A2ML1: variants seen among roughly 807,000 people sequenced by gnomAD.
A2ML1 encodes the protein alpha-2-macroglobulin-like protein 1.
A neutral mutation model predicts 181.9 loss-of-function variants in A2ML1; 161 were observed. That is an observed-to-expected ratio of 0.89 (90% CI 0.78 to 1.01). The LOEUF (loss-of-function observed/expected upper bound fraction) is 1.01. Ranked by LOEUF, A2ML1 falls within the 50% of genes least tolerant of loss-of-function variation. The pLI, the probability that A2ML1 is intolerant of heterozygous loss-of-function variation, is 0.00. For synonymous variants in A2ML1, 663 were observed against 666.8 expected, an observed-to-expected ratio of 0.99 and a Z score of 0.09; for missense variants, 1,670 against 1,768.1, an observed-to-expected ratio of 0.94 and a Z score of 1.00.
At chr12:8,861,431 T>A in intron 28 of A2ML1, 134 bp downstream of exon 28, 1 of 1,092,320 alleles carries the variant, frequency 9.2e-7, no homozygotes, top group Non-Finnish European at 1.3e-6. Flanking sequence ...GTCATCAAAT[T>A]ATTGTTGGGA....
intron 4 of A2ML1, among the ~76,000 whole-genome samples, chr12:8,832,793 C>G (rs753524799): frequency 3.3e-5 from 5 of 152,110 alleles, no homozygotes; most frequent in African/African-American, 1.2e-4. Context: ...TTGGTTAGGT[C>G]TGATTTCTTT....
chr12:8,857,402 A>T (rs1256144743), intron 24 of A2ML1, 62 bp downstream of exon 24: 2 of 1,580,442 alleles, frequency 1.3e-6, no homozygotes, highest in Non-Finnish European at 1.7e-6. Flanking sequence ...TGACAGATTG[A>T]TGATACAGGG....
Position 8,847,619 on chromosome 12 carries a change from C to T in A2ML1, c.1754C>T (p.Pro585Leu). 1 of 1,613,714 alleles carries T rather than the reference C, an allele frequency of 6.2e-7. No individual in the cohort carries two copies. The highest frequency in any genetic ancestry group is 8.5e-7 in the Non-Finnish European group (1 of 1,179,832). ...AEVELQLQAAPGSLCALRAVD... is the reference protein window; with the variant it reads ...AEVELQLQAALGSLCALRAVD... ...GTGGAGCTGCAGCTGCAGGCAGCTC[C>T]CGGATCCCTGTGTGCGCTCCGGGCG... Residue 585 changes from proline (P) to leucine (L), a missense_variant, in exon 15 of 36, where the codon CCC becomes CTC. Pro to Leu is a moderately conservative substitution (Grantham distance 98, BLOSUM62 -3). Coordinates refer to ENST00000299698, the MANE Select transcript of A2ML1 (RefSeq NM_144670.6).
chr12:8,854,914 A>G (rs1286707380), intron 22 of A2ML1, 83 bp downstream of exon 22: 58 of 870,044 alleles, frequency 6.7e-5, no homozygotes, highest in East Asian at 2.2e-4. Context: ...TTTTTTTTTG[A>G]GACGGAGTCT....
intron 9 of A2ML1, among the ~76,000 whole-genome samples, 176 bp from the exon 10 acceptor site, chr12:8,838,934 AAAG>A: frequency 6.6e-6 from 1 of 151,344 alleles, no homozygotes; most frequent in East Asian, 1.9e-4. Flanking sequence ...AAAAAAAAAA[AAAG>A]AAGAAATACT....
intron 10 of A2ML1, among the ~76,000 whole-genome samples, chr12:8,840,819 A>C (rs1430666514): frequency 4.6e-5 from 7 of 151,646 alleles, no homozygotes; most frequent in Non-Finnish European, 8.8e-5. Context: ...AGGCAGGAGA[A>C]TCGCTTGAAC....
At chr12:8,824,154 G>A (rs771101298) in intron 3 of A2ML1, among the ~76,000 whole-genome samples, 15 of 151,550 alleles carry the variant, frequency 9.9e-5, no homozygotes, top group African/African-American at 3.6e-4. Context: ...CTGGGTTGCT[G>A]GGCCTTACAA....
At position 8,857,154 on chromosome 12, in the gene A2ML1, T is replaced by C. The variant is rs774394683; in HGVS notation, c.2849-10T>C. On this transcript the variant is annotated splice_polypyrimidine_tract_variant and intron_variant, in intron 23 of 35. Transcript: ENST00000299698. Reference sequence around the variant, plus strand: ...TACCCCTACCTTCTCTCTCTCCTTTTGGATCCCAGGAGACATTATGGGCAC... The same window carrying C: ...TACCCCTACCTTCTCTCTCTCCTTTCGGATCCCAGGAGACATTATGGGCAC... 9.3e-6 allele frequency: 15 copies of C among 1,608,960 alleles called. No individual in the cohort carries two copies. Among genetic ancestry groups the C allele is most frequent in the Middle Eastern group, 4.4e-4 (2 of 4,528 alleles).
chr12:8,845,219 C>T (rs1235076537), intron 12 of A2ML1: 4 of 1,534,724 alleles, frequency 2.6e-6, no homozygotes, highest in East Asian at 2.4e-5. Flanking sequence ...CATCCACCTG[C>T]GTGGTTCTCA....
intron 12 of A2ML1, 126 bp from the exon 13 acceptor site, chr12:8,845,316 T>C: frequency 7.1e-7 from 1 of 1,406,538 alleles, no homozygotes; most frequent in Non-Finnish European, 9.8e-7. Flanking sequence ...GGTGAGGTAT[T>C]GACCCGGACT....
rs769090776 is a variant in A2ML1 at position 8,874,412 on chromosome 12, G to C, written c.4222-13G>C. ...TTACTTCTAAGGTACTGTTTCATCT[G>C]TCTTCCCCACAGCTCATTAAGAACA... On this transcript the variant is annotated splice_polypyrimidine_tract_variant and intron_variant, in intron 33 of 35. Transcript: ENST00000299698. The C allele has an allele frequency of 1.5e-5, 24 of 1,599,360 alleles. No homozygotes were observed. Among genetic ancestry groups the C allele is most frequent in the Non-Finnish European group, 1.9e-5 (22 of 1,166,842 alleles).
chr12:8,850,053 T>C (rs1357501255), intron 17 of A2ML1, 107 bp from the exon 18 acceptor site: 10 of 865,118 alleles, frequency 1.2e-5, no homozygotes, highest in Non-Finnish European at 1.6e-5. Context: ...TGACTGGATG[T>C]TCTCTGCTTC....
intron 29 of A2ML1, 52 bp downstream of exon 29, chr12:8,864,060 G>A (rs1252093946): frequency 1.9e-6 from 3 of 1,546,326 alleles, no homozygotes; most frequent in South Asian, 2.3e-5. Context: ...TAGATCTTGT[G>A]TGGAGATAGA....
chr12:8,849,279 G>A (rs1380342788), intron 16 of A2ML1, among the ~76,000 whole-genome samples: 2 of 152,196 alleles, frequency 1.3e-5, no homozygotes, highest in African/African-American at 4.8e-5. Flanking sequence ...CCTGAGGTCA[G>A]GAACTAGGTC....
At chr12:8,829,032 G>C (rs1943023371) in intron 3 of A2ML1, among the ~76,000 whole-genome samples, 1 of 152,170 alleles carries the variant, frequency 6.6e-6, no homozygotes, top group Non-Finnish European at 1.5e-5. Context: ...TGGCGGGGAG[G>C]GGGTGAATCA....
chr12:8,857,021 C>A (rs1944087875), intron 23 of A2ML1, 143 bp from the exon 24 acceptor site: 1 of 692,946 alleles, frequency 1.4e-6, no homozygotes, highest in Non-Finnish European at 2.2e-6. Flanking sequence ...GCTGGAATTA[C>A]AGGCGTGAGC....
At chr12:8,874,019 A>T (rs112938823) in intron 33 of A2ML1, among the ~76,000 whole-genome samples, 22,866 of 151,190 alleles carry the variant, frequency 0.15, 2,576 homozygotes, top group African/African-American at 0.32. Flanking sequence ...TAAAAAAAAA[A>T]TTTTTTTTTA....
intron 2 of A2ML1, 35 bp downstream of exon 2, chr12:8,823,400 A>G: frequency 6.3e-7 from 1 of 1,586,772 alleles, no homozygotes; most frequent in African/African-American, 1.3e-5. Context: ...CGAATCCCTT[A>G]CTTGCCTATT....
At chr12:8,857,611 G>C in intron 25 of A2ML1, 23 bp downstream of exon 25, 1 of 1,601,086 alleles carries the variant, frequency 6.2e-7, no homozygotes, top group Non-Finnish European at 8.5e-7. Context: ...AATTCCCAAT[G>C]AGTTCTGTAC....
Sources: allele counts gnomAD v4.1 joint callset (sites outside exome capture counted in the v4.1 genomes callset), GRCh38; gene constraint gnomAD v4.1.1; transcripts MANE v1.5; gene names NCBI Gene and HGNC (gene_info 2026-07-23, HGNC 2026-07-21).